The following COL25A1 variants were observed in gnomAD, a reference collection of about 807,000 sequenced individuals.
COL25A1 encodes the protein collagen alpha-1(XXV) chain.
In COL25A1, 103 loss-of-function variants were observed where a neutral mutation model predicts 128.4. The ratio of observed to expected loss-of-function variants is 0.80; its 90% CI spans 0.68 to 0.94. COL25A1 has a LOEUF of 0.94. Among genes scored for constraint, COL25A1 ranks in the 40% least tolerant of loss-of-function variants. COL25A1 has a pLI of 0.00. For missense variants in COL25A1, 745 were observed against 840.0 expected (o/e 0.89, Z 1.40); for synonymous variants, 279 against 277.2 (o/e 1.01, Z -0.06).
At chr4:109,001,372 C>CAGGCATCTGAGATCCTGTCAGGT (rs143819894) in intron 6 of COL25A1, among the ~76,000 whole-genome samples, 2,330 of 24,000 alleles carry the variant, frequency 0.097, 622 homozygotes, top group East Asian at 0.51. Flanking sequence ...TTAAAAGAAA[C>CAGGCATCTGAGATCCTGTCAGGT]AGGCATCTGA....
intron 5 of COL25A1, among the ~76,000 whole-genome samples, chr4:109,046,879 T>C (rs956281893): frequency 1.3e-5 from 2 of 152,160 alleles, no homozygotes; most frequent in African/African-American, 4.8e-5. Context: ...CCAATGATCA[T>C]TGCTACCGTA....
intron 3 of COL25A1, among the ~76,000 whole-genome samples, chr4:109,288,101 T>C (rs776653203): frequency 6.6e-5 from 10 of 152,238 alleles, no homozygotes; most frequent in East Asian, 3.9e-4. Flanking sequence ...GGCAACCATA[T>C]GCTCATATCA....
At chr4:108,872,164 C>T (rs1421736966) in intron 19 of COL25A1, among the ~76,000 whole-genome samples, 1 of 152,118 alleles carries the variant, frequency 6.6e-6, no homozygotes, top group African/African-American at 2.4e-5. Context: ...TTTTGTAATC[C>T]CAGCACTTTG....
At chr4:109,257,393 G>T (rs1781151564) in intron 3 of COL25A1, among the ~76,000 whole-genome samples, 1 of 152,142 alleles carries the variant, frequency 6.6e-6, no homozygotes, top group Admixed American at 6.5e-5. Context: ...ATTCATCTAT[G>T]AAAGATGATC....
Position 108,920,605 on chromosome 4 carries a change from C to A in COL25A1, c.709-1G>T. ...TTTGTCCCGGAGGCCCTAGAGGACCCTAAAAAAGAAAAACGATTCAATTAA... is the reference window on the plus strand; with the variant it reads ...TTTGTCCCGGAGGCCCTAGAGGACCATAAAAAAGAAAAACGATTCAATTAA... On this transcript the variant is annotated splice_acceptor_variant, in intron 11 of 37. Transcript: ENST00000399132. LOFTEE classifies it high-confidence loss of function. The A allele has an allele frequency of 1.3e-6, 2 of 1,599,994 alleles. No individual in the cohort carries two copies. The highest frequency in any genetic ancestry group is 1.7e-6 in the Non-Finnish European group (2 of 1,171,294).
intron 3 of COL25A1, among the ~76,000 whole-genome samples, chr4:109,233,810 C>G (rs1276888845): frequency 6.6e-6 from 1 of 152,098 alleles, no homozygotes; most frequent in Non-Finnish European, 1.5e-5. Context: ...GGCCAAAGTA[C>G]ATAATGTACC....
intron 5 of COL25A1, among the ~76,000 whole-genome samples, chr4:109,015,274 T>C (rs1560542703): frequency 6.6e-6 from 1 of 152,210 alleles, no homozygotes; most frequent in Non-Finnish European, 1.5e-5. Flanking sequence ...GTAGTATTGT[T>C]CTAGTCTATT....
chr4:109,269,215 G>A (rs1782010683), intron 3 of COL25A1, among the ~76,000 whole-genome samples: 1 of 151,724 alleles, frequency 6.6e-6, no homozygotes. Flanking sequence ...AGTTCACTGA[G>A]AATGATGGTT....
chr4:108,966,680 T>A lies in COL25A1; in HGVS notation c.492+7687A>T, dbSNP rs143159117. ...GCCTGGGCAACATGATGAAACCCTG[T>A]CTCTACTAAAAATTAAAAAAAATAG... On this transcript the variant is annotated intron_variant, in intron 8 of 37. Transcript: ENST00000399132. Among the ~76,000 whole-genome samples, 126 of 151,832 alleles carry A rather than the reference T, an allele frequency of 8.3e-4. 1 individual carries two copies. The East Asian group carries it at 0.014, about 17-fold the overall frequency.
chr4:109,007,317 C>T (rs976358324), intron 6 of COL25A1, among the ~76,000 whole-genome samples: 6 of 152,092 alleles, frequency 3.9e-5, no homozygotes, highest in Admixed American at 3.9e-4. Context: ...AAATGCAAAA[C>T]TTCATTAAGT....
chr4:108,927,960 T>C (rs1165310287), intron 11 of COL25A1, among the ~76,000 whole-genome samples: 2 of 152,174 alleles, frequency 1.3e-5, no homozygotes, highest in African/African-American at 4.8e-5. Flanking sequence ...AGAGACTCTA[T>C]ATTACCTCTT....
chr4:109,042,395 GT>G (rs1760000831), intron 5 of COL25A1, among the ~76,000 whole-genome samples: 1 of 152,010 alleles, frequency 6.6e-6, no homozygotes, highest in Non-Finnish European at 1.5e-5. Context: ...AACCTGAGTT[GT>G]TCATTTGACA....
At chr4:109,133,004 C>G (rs1277828642) in intron 3 of COL25A1, among the ~76,000 whole-genome samples, 1 of 151,868 alleles carries the variant, frequency 6.6e-6, no homozygotes. Flanking sequence ...ACTTTTTCCT[C>G]CTGAAAATAA....
rs145943761 is a variant in COL25A1, at chr4:108,931,066, C to T, written c.708+6742G>A. On this transcript the variant is annotated intron_variant, in intron 11 of 37. Transcript: ENST00000399132. ...CAGTAGAGCTAGAATAAGCTGGATT[C>T]TACAGTTACAAGAAGTGACAACTAG... Among the ~76,000 whole-genome samples the T allele has an allele frequency of 1.4e-4, 22 of 152,190 alleles. No homozygotes were observed. In the East Asian group the frequency reaches 4.3e-3, roughly 29 times the overall value.
At chr4:109,084,720 T>C (rs1040304421) in intron 3 of COL25A1, among the ~76,000 whole-genome samples, 3 of 152,226 alleles carry the variant, frequency 2.0e-5, no homozygotes, top group African/African-American at 7.2e-5. Flanking sequence ...CCCAGCATGA[T>C]TCATTTAGAA....
intron 13 of COL25A1, among the ~76,000 whole-genome samples, chr4:108,913,239 G>GTGTGGTC (rs2125887057): frequency 7.7e-6 from 1 of 129,562 alleles, no homozygotes; most frequent in South Asian, 3.0e-4. Context: ...ATGGGACTTT[G>GTGTGGTC]TGTGGTCTCT....
chr4:109,216,642 C>G (rs917437722), intron 3 of COL25A1, among the ~76,000 whole-genome samples: 3 of 152,100 alleles, frequency 2.0e-5, no homozygotes, highest in Admixed American at 2.0e-4. Context: ...ATGCCCGGTA[C>G]TATCATAAAC....
At chr4:108,849,026 G>A (rs1735446446) in intron 26 of COL25A1, among the ~76,000 whole-genome samples, 3 of 152,210 alleles carry the variant, frequency 2.0e-5, no homozygotes, top group African/African-American at 7.2e-5. Context: ...AATGCTTTTA[G>A]TGTTTTTATT....
At chr4:109,067,866 G>T (rs1383356457) in intron 3 of COL25A1, among the ~76,000 whole-genome samples, 1 of 152,196 alleles carries the variant, frequency 6.6e-6, no homozygotes. Context: ...CACAGTTAAA[G>T]TATGTGTTGG....
Sources: allele counts gnomAD v4.1 joint callset (sites outside exome capture counted in the v4.1 genomes callset), GRCh38; gene constraint gnomAD v4.1.1; transcripts MANE v1.5; gene names NCBI Gene and HGNC (gene_info 2026-07-23, HGNC 2026-07-21).